Variants in EPN1 observed in about 807,000 individuals in gnomAD.
EPN1 encodes epsin 1, also known as epsin-1.
Under a neutral mutation model 56.9 loss-of-function variants are expected in EPN1, and 25 were observed. The ratio of observed to expected loss-of-function variants is 0.44; its 90% CI spans 0.32 to 0.61. The LOEUF is 0.61. Ranked by LOEUF, EPN1 falls within the 20% of genes least tolerant of loss-of-function variation. The pLI is 0.05. For missense variants in EPN1, 785 were observed against 823.7 expected (o/e 0.95, Z 0.58); for synonymous variants, 411 against 361.8 (o/e 1.14, Z -1.54).
chr19:55,687,934 C>T (rs1483958286), intron 3 of EPN1, among the ~76,000 whole-genome samples: 1 of 152,140 alleles, frequency 6.6e-6, no homozygotes, highest in African/African-American at 2.4e-5. Flanking sequence ...GAGCCAGGGC[C>T]TGCTCGTCAG....
chr19:55,689,060 C>G lies in EPN1; in HGVS notation c.603+66C>G. 1 of 1,503,840 alleles carries G rather than the reference C, an allele frequency of 6.6e-7. No individual in the cohort carries two copies. The highest frequency in any genetic ancestry group is 2.1e-5 in the Admixed American group (1 of 48,320). 93.2% of individuals were successfully genotyped at this position (1,503,840 alleles called of 1,614,324 possible). ...CTCCACGCCTCACTTCAGGCTCCCT[C>G]CCAGCCAGGCGTGGGCCTGGCCCTC... On this transcript the variant is annotated intron_variant, in intron 4 of 10. Coordinates refer to ENST00000270460, the MANE Select transcript of EPN1 (RefSeq NM_001130072.2). The surrounding 1 kb of genome is among the most constrained non-coding windows in gnomAD (Gnocchi z 5.7).
chr19:55,687,242 G>A (rs1316733421), intron 3 of EPN1, among the ~76,000 whole-genome samples: 1 of 152,192 alleles, frequency 6.6e-6, no homozygotes. Flanking sequence ...CTGCCACTGT[G>A]GTGTGCTGGC....
chr19:55,705,813 A>ATATATATATATATATGTATG lies in EPN1; in HGVS notation c.*10472_*10473insGTATGTATATATATATATAT. 1 of 124,708 alleles carries ATATATATATATATATGTATG rather than the reference A, an allele frequency of 8.0e-6. No homozygotes were observed. Among genetic ancestry groups the ATATATATATATATATGTATG allele is most frequent in the Non-Finnish European group, 1.7e-5 (1 of 59,668 alleles). The allele number at this position is 124,708 out of a possible 1,614,324, so 7.7% of individuals were successfully genotyped here. On this transcript the variant is annotated 3_prime_UTR_variant, in exon 11 of 11. Transcript: ENST00000270460. ...TGGAATATTTGTTGTTGTGGGATAT[A>ATATATATATATATATGTATG]TATATATATATATATTTAGAGTGTT...
rs757958020 is a variant in EPN1, at chr19:55,706,229, C to CTT, written c.*10874_*10875insTT. 6.6e-6 allele frequency: 1 copy of CTT among 150,722 alleles called. No individual in the cohort carries two copies. The highest frequency in any genetic ancestry group is 2.6e-5 in the African/African-American group (1 of 39,122). 9.3% of individuals were successfully genotyped at this position (150,722 alleles called of 1,614,324 possible). ...TTTATTTTTCTTTCTTCCTTTCCTC[C>CTT]TCTTTCTTCTCCTTTTTCCTCCTCT... On this transcript the variant is annotated 3_prime_UTR_variant, in exon 11 of 11. Transcript: ENST00000270460.
Position 55,689,020 on chromosome 19 carries a change from C to G in EPN1, c.603+26C>G. On this transcript the variant is annotated intron_variant, in intron 4 of 10. Coordinates refer to ENST00000270460, the MANE Select transcript of EPN1 (RefSeq NM_001130072.2). The surrounding 1 kb of genome is among the most constrained non-coding windows in gnomAD (Gnocchi z 5.7). ...GTACTGGGCGTGCAGCTGGGGCTGTCTGTCCGCCACCCGCCTCCACGCCTC... is the reference window on the plus strand; with the variant it reads ...GTACTGGGCGTGCAGCTGGGGCTGTGTGTCCGCCACCCGCCTCCACGCCTC... 1 of 1,569,076 alleles carries G rather than the reference C, an allele frequency of 6.4e-7. No homozygotes were observed. Among genetic ancestry groups the G allele is most frequent in the Non-Finnish European group, 8.6e-7 (1 of 1,160,318 alleles).
rs933101353 is a variant in EPN1, at chr19:55,706,283, CTTTT to C, written c.*10940_*10943del. On this transcript the variant is annotated 3_prime_UTR_variant, in exon 11 of 11. Transcript: ENST00000270460. Reference sequence around the variant, plus strand: ...CTTCCTTTCTTCTCTTTTTCTTCTTCTTTTTTTTTTTTTTTTAAAAGACCGTGTT... The same window carrying C: ...CTTCCTTTCTTCTCTTTTTCTTCTTCTTTTTTTTTTTTAAAAGACCGTGTT... 143 of 118,466 alleles carry C rather than the reference CTTTT, an allele frequency of 1.2e-3. No homozygotes were observed. The highest frequency in any genetic ancestry group is 3.8e-3 in the African/African-American group (116 of 30,468). 7.3% of individuals were successfully genotyped at this position (118,466 alleles called of 1,614,324 possible).
At chr19:55,681,220 G>T (rs1985797941) in intron 2 of EPN1, among the ~76,000 whole-genome samples, 1 of 152,230 alleles carries the variant, frequency 6.6e-6, no homozygotes, top group Non-Finnish European at 1.5e-5. Flanking sequence ...TGGTGAGTAA[G>T]GGCCGGCGTT....
At chr19:55,684,940 T>C (rs991630436) in intron 2 of EPN1, among the ~76,000 whole-genome samples, 1 of 152,154 alleles carries the variant, frequency 6.6e-6, no homozygotes, top group Non-Finnish European at 1.5e-5. Context: ...TATCGCACAG[T>C]TCAGTGGCCT....
chr19:55,695,005 G>C lies in EPN1; in HGVS notation c.1522+22G>C, dbSNP rs771084574. 5.8e-6 allele frequency: 9 copies of C among 1,558,740 alleles called. No homozygotes were observed. Among genetic ancestry groups the C allele is most frequent in the Non-Finnish European group, 7.8e-6 (9 of 1,152,958 alleles). Reference sequence around the variant, plus strand: ...GGCGGTGAGTGTGGGCCCATCACCTGCTCAAGTCCTTCCTGTGGGTTCCAC... The same window carrying C: ...GGCGGTGAGTGTGGGCCCATCACCTCCTCAAGTCCTTCCTGTGGGTTCCAC... On this transcript the variant is annotated intron_variant, in intron 10 of 10. Coordinates refer to ENST00000270460, the MANE Select transcript of EPN1 (RefSeq NM_001130072.2). The surrounding 1 kb of genome is among the most constrained non-coding windows in gnomAD (Gnocchi z 4.4).
In EPN1 at chr19:55,691,631, A is replaced by T; in HGVS notation, c.763-123A>T. 1 of 804,028 alleles carries T rather than the reference A, an allele frequency of 1.2e-6. No individual in the cohort carries two copies. The highest frequency in any genetic ancestry group is 2.0e-6 in the Non-Finnish European group (1 of 492,776). The allele number at this position is 804,028 out of a possible 1,614,324, so 49.8% of individuals were successfully genotyped here. ...GGGGCCTGCCTCCCTCTCACCCCTT[A>T]TGGATGGCTGCTGTCTGGACACCCA... On this transcript the variant is annotated intron_variant, in intron 6 of 10. Transcript: ENST00000270460. This position sits in a 1 kb window ranked among gnomAD's most constrained non-coding sequence, Gnocchi z 5.6.
At chr19:55,692,660 C>T (rs531421225) in intron 7 of EPN1, 26 bp from the exon 8 acceptor site, 96 of 1,454,870 alleles carry the variant, frequency 6.6e-5, no homozygotes, top group South Asian at 1.6e-4. Context: ...GTTGCCAGCC[C>T]CTCATGCTCT....
At position 55,691,201 on chromosome 19, in the gene EPN1, G is replaced by A. The variant is rs1442717022; in HGVS notation, c.763-553G>A. On this transcript the variant is annotated intron_variant, in intron 6 of 10. Coordinates refer to ENST00000270460, the MANE Select transcript of EPN1 (RefSeq NM_001130072.2). The surrounding 1 kb of genome is among the most constrained non-coding windows in gnomAD (Gnocchi z 5.6). ...GCGGGGTGACAGTGGGGCAATGGGCGTGGGAAGGCCTGCAGCGCGATGACT... is the reference window on the plus strand; with the variant it reads ...GCGGGGTGACAGTGGGGCAATGGGCATGGGAAGGCCTGCAGCGCGATGACT... Among the ~76,000 whole-genome samples the A allele has an allele frequency of 2.0e-5, 3 of 152,006 alleles. No individual in the cohort carries two copies. The highest frequency in any genetic ancestry group is 2.1e-4 in the South Asian group (1 of 4,806).
chr19:55,689,408 G>A lies in EPN1; in HGVS notation c.678+37G>A, dbSNP rs1398406087. On this transcript the variant is annotated intron_variant, in intron 5 of 10. Transcript: ENST00000270460. This position sits in a 1 kb window ranked among gnomAD's most constrained non-coding sequence, Gnocchi z 5.7. ...CTCCCTGTCCCTGCCCCTGCCAGGG[G>A]CTCCCCTCAGACCAGCCCCGTCGCC... 4.0e-6 allele frequency: 6 copies of A among 1,501,896 alleles called. No individual in the cohort carries two copies. The highest frequency in any genetic ancestry group is 1.7e-4 in the Middle Eastern group (1 of 5,904). The allele number at this position is 1,501,896 out of a possible 1,614,324, so 93.0% of individuals were successfully genotyped here.
At chr19:55,677,502 C>A in intron 1 of EPN1, 2 of 1,128,950 alleles carry the variant, frequency 1.8e-6, no homozygotes, top group South Asian at 1.5e-5. Context: ...GTTGAGTCTG[C>A]CCTGCCATTC....
At position 55,695,319 on chromosome 19, in the gene EPN1, G is replaced by A. The variant is rs780944617; in HGVS notation, c.1694G>A (p.Gly565Asp). 2.0e-6 allele frequency: 3 copies of A among 1,535,192 alleles called. No homozygotes were observed. The South Asian group carries it at 3.6e-5, about 18-fold the overall frequency. ...GGCCTGCCCCCCATGATGCCCCCGG[G>A]CCCCCCGGCCCCCAACACTAATCCC... ...GPGLPPMMPP[G>D]PPAPNTNPFL... is the part of the protein sequence containing the mutation. Residue 565 changes from glycine (G) to aspartate (D), a missense_variant, in exon 11 of 11, where the codon GGC becomes GAC. Physicochemically the swap from Gly to Asp is moderately conservative, Grantham distance 94. Around this residue, in one of 2 missense-constraint regions of EPN1, gnomAD observed 650 missense variants for 605.0 expected, o/e 1.07. Transcript: ENST00000270460. The surrounding 1 kb of genome is among the most constrained non-coding windows in gnomAD (Gnocchi z 4.4).
intron 3 of EPN1, among the ~76,000 whole-genome samples, chr19:55,687,206 C>T (rs963980947): frequency 5.3e-5 from 8 of 152,178 alleles, no homozygotes; most frequent in Admixed American, 3.9e-4. Flanking sequence ...AAAGGCCTTT[C>T]TTAGACCTTC....
In EPN1 at chr19:55,707,508, A is replaced by T. The variant is rs978928069; in HGVS notation, c.*12152A>T. 2.6e-5 allele frequency: 4 copies of T among 153,416 alleles called. No homozygotes were observed. Among genetic ancestry groups the T allele is most frequent in the African/African-American group, 9.6e-5 (4 of 41,486 alleles). 9.5% of individuals were successfully genotyped at this position (153,416 alleles called of 1,614,324 possible). A position where few individuals can be genotyped will look rare whatever the true frequency, so the allele number is the denominator to read the frequency against. On this transcript the variant is annotated 3_prime_UTR_variant, in exon 11 of 11. Transcript: ENST00000270460. ...ACCAAAATAACTTTCCAAGATGAAAAGCTAAGAGTGCTGATCTCATCACAG... is the reference window on the plus strand; with the variant it reads ...ACCAAAATAACTTTCCAAGATGAAATGCTAAGAGTGCTGATCTCATCACAG...
intron 3 of EPN1, among the ~76,000 whole-genome samples, chr19:55,688,554 C>T (rs921789416): frequency 2.0e-5 from 3 of 152,166 alleles, no homozygotes; most frequent in Admixed American, 6.5e-5. Context: ...CCCAGGCACG[C>T]GGAGAGTCCT....
rs2122223233 is a variant in EPN1, at chr19:55,695,079, A to G, written c.1523-69A>G. ...GGGACACTTCGCCCTTTGCCTGCAC[A>G]TGCTGGATGGACACAGGTGGGCTGC... On this transcript the variant is annotated intron_variant, in intron 10 of 10. Transcript: ENST00000270460. This position sits in a 1 kb window ranked among gnomAD's most constrained non-coding sequence, Gnocchi z 4.4. 2 of 1,608,388 alleles carry G rather than the reference A, an allele frequency of 1.2e-6. No individual in the cohort carries two copies. Among genetic ancestry groups the G allele is most frequent in the Non-Finnish European group, 1.7e-6 (2 of 1,176,824 alleles).
Sources: allele counts gnomAD v4.1 joint callset (sites outside exome capture counted in the v4.1 genomes callset), GRCh38; gene constraint gnomAD v4.1.1; regional missense constraint gnomAD v4.1.1; non-coding constraint Gnocchi (gnomAD v3.1); transcripts MANE v1.5; gene names NCBI Gene and HGNC (gene_info 2026-07-23, HGNC 2026-07-21).